The following NFIC variants were observed in gnomAD, a reference collection of about 807,000 sequenced individuals.
The protein encoded by NFIC is nuclear factor 1 C-type.
In NFIC, 12 loss-of-function variants were observed where a neutral mutation model predicts 54.4. The observed-to-expected ratio is 0.22, with a 90% CI of 0.14 to 0.36. The LOEUF is 0.36. Among genes scored for constraint, NFIC ranks in the 10% least tolerant of loss-of-function variants. NFIC has a pLI of 1.00. For synonymous variants in NFIC, 322 were observed against 319.2 expected, an observed-to-expected ratio of 1.01 and a Z score of -0.09; for missense variants, 575 against 718.2, an observed-to-expected ratio of 0.80 and a Z score of 2.28.
chr19:3,440,454 A>G (rs1170108049), intron 6 of NFIC, among the ~76,000 whole-genome samples: 3 of 150,816 alleles, frequency 2.0e-5, no homozygotes, highest in Middle Eastern at 3.4e-3. Context: ...TTGAGACGGA[A>G]TCTCTCTCTG....
intron 6 of NFIC, among the ~76,000 whole-genome samples, chr19:3,437,939 G>A (rs187951909): frequency 1.3e-4 from 20 of 152,022 alleles, no homozygotes; most frequent in African/African-American, 3.4e-4. Context: ...CAAGTGATCC[G>A]CCCATCTCAG....
chr19:3,366,993 C>A (rs897163327), intron 1 of NFIC, among the ~76,000 whole-genome samples: 1 of 151,734 alleles, frequency 6.6e-6, no homozygotes, highest in African/African-American at 2.4e-5. Flanking sequence ...TCCGCACCCC[C>A]GCCCCGACAC....
intron 4 of NFIC, among the ~76,000 whole-genome samples, chr19:3,433,951 G>T (rs551946671): frequency 6.6e-6 from 1 of 151,924 alleles, no homozygotes; most frequent in Non-Finnish European, 1.5e-5. Context: ...AGCACATTCC[G>T]TCACACACTG....
chr19:3,419,112 A>G (rs943225432), intron 2 of NFIC, among the ~76,000 whole-genome samples: 1 of 152,016 alleles, frequency 6.6e-6, no homozygotes, highest in Non-Finnish European at 1.5e-5. Flanking sequence ...ATGGGGACAG[A>G]GTTTCAGTTT....
At chr19:3,373,677 T>C (rs1044097916) in intron 1 of NFIC, among the ~76,000 whole-genome samples, 2 of 125,538 alleles carry the variant, frequency 1.6e-5, no homozygotes, top group African/African-American at 3.1e-5. Context: ...CCTCAAACTC[T>C]TAAATTTCTT....
intron 7 of NFIC, among the ~76,000 whole-genome samples, chr19:3,450,802 CAG>C (rs1327306137): frequency 2.0e-5 from 3 of 152,224 alleles, no homozygotes; most frequent in Non-Finnish European, 4.4e-5. Flanking sequence ...GTCATGCACA[CAG>C]AGAGGCAGTC....
chr19:3,419,489 C>T (rs1451552314), intron 2 of NFIC, among the ~76,000 whole-genome samples: 1 of 151,826 alleles, frequency 6.6e-6, no homozygotes. Context: ...CAAAATTAGG[C>T]CGAGCACAGT....
rs1025740940 is a variant in NFIC, at chr19:3,369,708, G to A, written c.30+3042G>A. Reference sequence around the variant, plus strand: ...CATGGCTCCCATAAATCCTGCCGGCGGGAAGGCCGGCCTCCCCGCGCCTGC... The same window carrying A: ...CATGGCTCCCATAAATCCTGCCGGCAGGAAGGCCGGCCTCCCCGCGCCTGC... On this transcript the variant is annotated intron_variant, in intron 1 of 10. Coordinates refer to ENST00000443272, the MANE Select transcript of NFIC (RefSeq NM_001245002.2). This position sits in a 1 kb window ranked among gnomAD's most constrained non-coding sequence, Gnocchi z 4.3. Among the ~76,000 whole-genome samples the A allele has an allele frequency of 5.3e-5, 8 of 150,710 alleles. No homozygotes were observed. The highest frequency in any genetic ancestry group is 2.0e-4 in the East Asian group (1 of 5,018).
Position 3,458,434 on chromosome 19 carries a change from C to T in NFIC, c.1509+1799C>T, listed in dbSNP as rs577211992. Among the ~76,000 whole-genome samples, 1 of 152,292 alleles carries T rather than the reference C, an allele frequency of 6.6e-6. No individual in the cohort carries two copies. Among genetic ancestry groups the T allele is most frequent in the African/African-American group, 2.4e-5 (1 of 41,566 alleles). On this transcript the variant is annotated intron_variant, in intron 10 of 10. Coordinates refer to ENST00000443272, the MANE Select transcript of NFIC (RefSeq NM_001245002.2). This position sits in a 1 kb window ranked among gnomAD's most constrained non-coding sequence, Gnocchi z 4.1. ...CCCAGCCTCTGCCTTGGACCAAACT[C>T]TCTGACCAGGCCCTCCCGCCAGGGC...
intron 2 of NFIC, among the ~76,000 whole-genome samples, chr19:3,409,750 T>C (rs1307486572): frequency 6.6e-6 from 1 of 152,244 alleles, no homozygotes; most frequent in Non-Finnish European, 1.5e-5. Flanking sequence ...GAGAACAGTG[T>C]GTCCGCCCCG....
At chr19:3,371,887 CCT>C (rs2081017681) in intron 1 of NFIC, among the ~76,000 whole-genome samples, 1 of 66,974 alleles carries the variant, frequency 1.5e-5, no homozygotes, top group African/African-American at 4.8e-5. Flanking sequence ...CTCTCTCCTT[CCT>C]TCCTTCCTTC....
intron 2 of NFIC, among the ~76,000 whole-genome samples, chr19:3,392,852 G>A (rs1209606996): frequency 6.6e-6 from 1 of 152,246 alleles, no homozygotes; most frequent in Non-Finnish European, 1.5e-5. Flanking sequence ...TCCAGATGGG[G>A]AAACTGAGGC....
At chr19:3,367,289 G>A (rs1477238896) in intron 1 of NFIC, among the ~76,000 whole-genome samples, 1 of 152,150 alleles carries the variant, frequency 6.6e-6, no homozygotes, top group Non-Finnish European at 1.5e-5. Context: ...CCGGCGGCCC[G>A]GCTGGGTCCC....
At chr19:3,426,748 G>T (rs1040179260) in intron 3 of NFIC, among the ~76,000 whole-genome samples, 1 of 151,992 alleles carries the variant, frequency 6.6e-6, no homozygotes, top group Non-Finnish European at 1.5e-5. Context: ...TTCCTCCAGT[G>T]CACCAGACCC....
intron 2 of NFIC, among the ~76,000 whole-genome samples, chr19:3,409,561 C>T (rs1012073367): frequency 4.7e-5 from 7 of 147,788 alleles, no homozygotes; most frequent in East Asian, 2.2e-4. Context: ...CCGTGAGTGC[C>T]GGGTGTGCGT....
Position 3,382,195 on chromosome 19 carries a change from G to A in NFIC, c.514G>A (p.Ala172Thr). 1 of 1,609,824 alleles carries A rather than the reference G, an allele frequency of 6.2e-7. No individual in the cohort carries two copies. Among genetic ancestry groups the A allele is most frequent in the East Asian group, 2.2e-5 (1 of 44,878 alleles). The change falls in exon 2 of 11, where the codon GCC becomes ACC. Residue 172 changes from alanine (A) to threonine (T), a missense_variant. Ala to Thr is a moderately conservative substitution (Grantham distance 58). Around this residue, in one of 3 missense-constraint regions of NFIC, gnomAD observed 447 missense variants for 526.9 expected, o/e 0.85. Coordinates refer to ENST00000443272, the MANE Select transcript of NFIC (RefSeq NM_001245002.2). ...CGTGCAGCCGCACCACATTGGCGTG[G>A]CCGTCAAGGAGCTGGACCTCTACCT... ...LCVQPHHIGV[A>T]VKELDLYLAY...
At position 3,433,396 on chromosome 19, in the gene NFIC, C is replaced by T. The variant is rs1003065510; in HGVS notation, c.635-122C>T. 5 of 971,846 alleles carry T rather than the reference C, an allele frequency of 5.1e-6. No individual in the cohort carries two copies. In the African/African-American group the frequency reaches 8.0e-5, roughly 16 times the overall value. The allele number at this position is 971,846 out of a possible 1,614,324, so 60.2% of individuals were successfully genotyped here. On this transcript the variant is annotated intron_variant, in intron 3 of 10. Transcript: ENST00000443272. The stretch of plus-strand genomic sequence containing the variant: ...CTGGAGCTGTCATTCCCCCACAGCA[C>T]AGGATGGACAGGGGGAACGTCCAGG...
intron 1 of NFIC, among the ~76,000 whole-genome samples, chr19:3,361,435 A>AGAG (rs2080809966): frequency 6.6e-6 from 1 of 152,164 alleles, no homozygotes; most frequent in African/African-American, 2.4e-5. Context: ...CCAATGGACC[A>AGAG]GAGGCCGTGG....
intron 6 of NFIC, among the ~76,000 whole-genome samples, chr19:3,436,276 C>T (rs900509134): frequency 1.3e-5 from 2 of 148,684 alleles, no homozygotes; most frequent in African/African-American, 2.5e-5. Context: ...TCCCAAGTAT[C>T]GGACTGCAGG....
Sources: allele counts gnomAD v4.1 joint callset (sites outside exome capture counted in the v4.1 genomes callset), GRCh38; gene constraint gnomAD v4.1.1; regional missense constraint gnomAD v4.1.1; non-coding constraint Gnocchi (gnomAD v3.1); transcripts MANE v1.5; gene names NCBI Gene and HGNC (gene_info 2026-07-23, HGNC 2026-07-21).